TMED5: variants seen among roughly 807,000 people sequenced by gnomAD.
TMED5 encodes transmembrane emp24 domain-containing protein 5.
A neutral mutation model predicts 23.0 loss-of-function variants in TMED5; 27 were observed. The observed-to-expected ratio is 1.17, with a 90% CI of 0.86 to 1.62. The LOEUF is 1.62. Among genes scored for constraint, TMED5 ranks in the 40% most tolerant of loss-of-function variants. The probability of loss-of-function intolerance (pLI) is 0.00; values close to 1 mark genes in which losing one functional copy is unlikely to be tolerated. For synonymous variants in TMED5, 97 were observed against 100.8 expected, an observed-to-expected ratio of 0.96 and a Z score of 0.23; for missense variants, 248 against 273.7, an observed-to-expected ratio of 0.91 and a Z score of 0.66.
chr1:93,177,585 A>G, intron 1 of TMED5, among the ~76,000 whole-genome samples: 1 of 30,936 alleles, frequency 3.2e-5, no homozygotes, highest in African/African-American at 9.2e-5. Context: ...ACTCTGTCTC[A>G]AAAAAAAAAA....
rs1011151613 is a variant in TMED5 at position 93,152,981 on chromosome 1, G to A, written c.*1689C>T. On this transcript the variant is annotated 3_prime_UTR_variant, in exon 4 of 4. Transcript: ENST00000370282. ...GAAATCTAAGCTGCTCTTCTCCCAG[G>A]GGCCTAAGAGGGAAATGTATCTCTT... 6.6e-6 allele frequency: 1 copy of A among 152,404 alleles called. No homozygotes were observed. Among genetic ancestry groups the A allele is most frequent in the Non-Finnish European group, 1.5e-5 (1 of 67,986 alleles). The allele number at this position is 152,404 out of a possible 1,614,324, so 9.4% of individuals were successfully genotyped here.
At position 93,165,062 on chromosome 1, in the gene TMED5, A is replaced by C. The variant is rs144417429; in HGVS notation, c.190-4836T>G. On this transcript the variant is annotated intron_variant, in intron 1 of 3. Transcript: ENST00000370282. ...ACAGCTTGTAGGGAACAGAAGCCTAAGTCCAACAACTAGTAAGGAATTGAA... is the reference window on the plus strand; with the variant it reads ...ACAGCTTGTAGGGAACAGAAGCCTACGTCCAACAACTAGTAAGGAATTGAA... Among the ~76,000 whole-genome samples the C allele has an allele frequency of 2.8e-4, 43 of 152,350 alleles. No homozygotes were observed. In the East Asian group the frequency reaches 8.3e-3, roughly 29 times the overall value.
intron 1 of TMED5, among the ~76,000 whole-genome samples, chr1:93,173,854 C>T (rs997773245): frequency 1.3e-5 from 2 of 152,196 alleles, no homozygotes; most frequent in African/African-American, 4.8e-5. Context: ...ATATGTGTTT[C>T]ACCCCATCAA....
rs1368211887 is a variant in TMED5, at chr1:93,154,364, C to G, written c.*306G>C. ...TGGTGTTGCAATTAGGCCCAATACTCATTTATTTAAATCACCTAAGACATT... is the reference window on the plus strand; with the variant it reads ...TGGTGTTGCAATTAGGCCCAATACTGATTTATTTAAATCACCTAAGACATT... On this transcript the variant is annotated 3_prime_UTR_variant, in exon 4 of 4. Coordinates refer to ENST00000370282, the MANE Select transcript of TMED5 (RefSeq NM_016040.5). The G allele has an allele frequency of 6.8e-6, 2 of 294,064 alleles. No homozygotes were observed. The highest frequency in any genetic ancestry group is 1.1e-4 in the South Asian group (2 of 17,480). The allele number at this position is 294,064 out of a possible 1,614,324, so 18.2% of individuals were successfully genotyped here.
chr1:93,151,271 T>G lies in TMED5; in HGVS notation c.*3399A>C, dbSNP rs1209242736. On this transcript the variant is annotated 3_prime_UTR_variant, in exon 4 of 4. Coordinates refer to ENST00000370282, the MANE Select transcript of TMED5 (RefSeq NM_016040.5). ...GTGCCTAAGGATTTCTACCAGCTTG[T>G]GGTAGAAGAGTGGCTTGTCTGGATG... The G allele has an allele frequency of 6.6e-6, 1 of 152,230 alleles. No homozygotes were observed. Among genetic ancestry groups the G allele is most frequent in the Non-Finnish European group, 1.5e-5 (1 of 68,036 alleles). The allele number at this position is 152,230 out of a possible 1,614,324, so 9.4% of individuals were successfully genotyped here. A position where few individuals can be genotyped will look rare whatever the true frequency, so the allele number is the denominator to read the frequency against.
At chr1:93,179,893 T>G in intron 1 of TMED5, 161 bp downstream of exon 1, 1 of 681,246 alleles carries the variant, frequency 1.5e-6, no homozygotes, top group Non-Finnish European at 2.3e-6. Flanking sequence ...AGCGAGAGCC[T>G]CGCCTCGCCT....
chr1:93,154,548 T>C lies in TMED5; in HGVS notation c.*122A>G. On this transcript the variant is annotated 3_prime_UTR_variant, in exon 4 of 4. Coordinates refer to ENST00000370282, the MANE Select transcript of TMED5 (RefSeq NM_016040.5). Reference sequence around the variant, plus strand: ...AGACTTAATTTTCACATTAAAATTATACCTGTTTCCTACTTTTATATCTCA... The same window carrying C: ...AGACTTAATTTTCACATTAAAATTACACCTGTTTCCTACTTTTATATCTCA... The C allele has an allele frequency of 1.5e-6, 1 of 664,408 alleles. No individual in the cohort carries two copies. Among genetic ancestry groups the C allele is most frequent in the Admixed American group, 3.0e-5 (1 of 33,676 alleles). The allele number at this position is 664,408 out of a possible 1,614,324, so 41.2% of individuals were successfully genotyped here. A position where few individuals can be genotyped will look rare whatever the true frequency, so the allele number is the denominator to read the frequency against.
chr1:93,154,446 A>C lies in TMED5; in HGVS notation c.*224T>G. 1 of 542,272 alleles carries C rather than the reference A, an allele frequency of 1.8e-6. No individual in the cohort carries two copies. 33.6% of individuals were successfully genotyped at this position (542,272 alleles called of 1,614,324 possible). A position where few individuals can be genotyped will look rare whatever the true frequency, so the allele number is the denominator to read the frequency against. ...TTATTAATATGGCTTCATTCAGTTA[A>C]ACCTATATTCTGCAAAATATTCCTG... On this transcript the variant is annotated 3_prime_UTR_variant, in exon 4 of 4. Transcript: ENST00000370282.
At chr1:93,176,053 G>A (rs1162848879) in intron 1 of TMED5, among the ~76,000 whole-genome samples, 2 of 152,052 alleles carry the variant, frequency 1.3e-5, no homozygotes, top group Non-Finnish European at 2.9e-5. Context: ...AACACAGATC[G>A]AGTTAACCTG....
intron 1 of TMED5, chr1:93,160,914 GAAT>G (rs1553159067): frequency 1.4e-5 from 2 of 139,278 alleles, no homozygotes; most frequent in Admixed American, 8.4e-5. Context: ...TTCAATAAAA[GAAT>G]AATAATTAAC....
Position 93,150,757 on chromosome 1 carries a change from TACA to T in TMED5, c.*3910_*3912del, listed in dbSNP as rs1647845083. 1 of 152,252 alleles carries T rather than the reference TACA, an allele frequency of 6.6e-6. No homozygotes were observed. Among genetic ancestry groups the T allele is most frequent in the Admixed American group, 6.5e-5 (1 of 15,284 alleles). 9.4% of individuals were successfully genotyped at this position (152,252 alleles called of 1,614,324 possible). On this transcript the variant is annotated 3_prime_UTR_variant, in exon 4 of 4. Transcript: ENST00000370282. The stretch of plus-strand genomic sequence containing the variant: ...TATTAGCTGTAGTAACAATCCCCTT[TACA>T]ACATTTGATCATTATTGCCACTTAA...
rs1060622 is a variant in TMED5, at chr1:93,154,836, G to A, written c.524C>T (p.Thr175Ile). ...ACGAGCTTCAAATGCTCTAAGCAGA[G>A]TTTGTATGTGCCCACTTTTGCTTAG... ...SRLSKSGHIQ[T>I]LLRAFEARDR... Residue 175 changes from threonine (T) to isoleucine (I), a missense_variant, in exon 4 of 4, where the codon ACT (threonine) becomes ATT (isoleucine). Coordinates refer to ENST00000370282, the MANE Select transcript of TMED5 (RefSeq NM_016040.5). 0.6 allele frequency: 969,832 copies of A among 1,612,960 alleles called. 301,600 individuals are homozygous for A. The highest frequency in any genetic ancestry group is 0.67 in the South Asian group (60,543 of 91,042).
At chr1:93,171,541 T>A (rs1416435327) in intron 1 of TMED5, among the ~76,000 whole-genome samples, 1 of 152,246 alleles carries the variant, frequency 6.6e-6, no homozygotes, top group Non-Finnish European at 1.5e-5. Flanking sequence ...GGCCTGTATC[T>A]GTTACAGAAA....
rs202235726 is a variant in TMED5, at chr1:93,180,030, G to T, written c.189+24C>A. Reference sequence around the variant, plus strand: ...CAGTGCAGCTGGGTTAAAGGAAGGAGGCTGGTTTATCCTCCGCACTTACTT... The same window carrying T: ...CAGTGCAGCTGGGTTAAAGGAAGGATGCTGGTTTATCCTCCGCACTTACTT... On this transcript the variant is annotated intron_variant, in intron 1 of 3. Coordinates refer to ENST00000370282, the MANE Select transcript of TMED5 (RefSeq NM_016040.5). 4.1e-5 allele frequency: 65 copies of T among 1,604,698 alleles called. No individual in the cohort carries two copies. The East Asian group carries it at 5.2e-4, about 13-fold the overall frequency.
At chr1:93,155,205 A>G (rs1390380527) in intron 3 of TMED5, among the ~76,000 whole-genome samples, 2 of 152,218 alleles carry the variant, frequency 1.3e-5, no homozygotes, top group Non-Finnish European at 2.9e-5. Context: ...CAGCCTGGGC[A>G]ACAGAGTGAG....
chr1:93,156,360 T>G lies in TMED5; in HGVS notation c.411A>C (p.Glu137Asp), dbSNP rs1292621102. ...TGCCAGTAATATATTTCTTCCAATC[T>G]TCTTGTTCTTGTGCCTGTTCTCCCA... is the stretch of plus-strand genomic sequence containing the variant. ...DNMGEQAQEQ[E>D]DWKKYITGTD... The change falls in exon 3 of 4, where the codon GAA becomes GAC. Residue 137 changes from glutamate to aspartate, a missense_variant. Glu to Asp is a conservative substitution (Grantham distance 45, BLOSUM62 2). Coordinates refer to ENST00000370282, the MANE Select transcript of TMED5 (RefSeq NM_016040.5). The G allele has an allele frequency of 6.2e-7, 1 of 1,613,884 alleles. No individual in the cohort carries two copies. Among genetic ancestry groups the G allele is most frequent in the Admixed American group, 1.7e-5 (1 of 60,002 alleles).
chr1:93,151,107 T>C lies in TMED5; in HGVS notation c.*3563A>G, dbSNP rs1187534813. 6.6e-6 allele frequency: 1 copy of C among 152,232 alleles called. No individual in the cohort carries two copies. Among genetic ancestry groups the C allele is most frequent in the African/African-American group, 2.4e-5 (1 of 41,458 alleles). 9.4% of individuals were successfully genotyped at this position (152,232 alleles called of 1,614,324 possible). ...TCCATCTCCATTGTGCCCTGTCTTA[T>C]GTAACATCATCCTAGCTCTAGATTC... On this transcript the variant is annotated 3_prime_UTR_variant, in exon 4 of 4. Transcript: ENST00000370282.
At chr1:93,162,151 A>G (rs1464898154) in intron 1 of TMED5, 1 of 151,528 alleles carries the variant, frequency 6.6e-6, no homozygotes, top group Non-Finnish European at 1.5e-5. Context: ...TTAACACTCC[A>G]TTTTATTTTT....
intron 1 of TMED5, among the ~76,000 whole-genome samples, chr1:93,167,843 G>T (rs185152742): frequency 8.3e-4 from 126 of 152,280 alleles, no homozygotes; most frequent in African/African-American, 2.8e-3. Flanking sequence ...GATCTCAGAG[G>T]AAAGGCTATC....
Sources: allele counts gnomAD v4.1 joint callset (sites outside exome capture counted in the v4.1 genomes callset), GRCh38; gene constraint gnomAD v4.1.1; transcripts MANE v1.5; gene names NCBI Gene and HGNC (gene_info 2026-07-23, HGNC 2026-07-21).